The following PCDHA7 variants were observed in gnomAD, a reference collection of about 807,000 sequenced individuals.
PCDHA7 encodes protocadherin alpha-7.
In PCDHA7, 37 loss-of-function variants were observed where a neutral mutation model predicts 57.2. The ratio of observed to expected loss-of-function variants is 0.65; its 90% confidence interval spans 0.50 to 0.85. PCDHA7 has a LOEUF of 0.85. Ranked by LOEUF, PCDHA7 falls within the 40% of genes least tolerant of loss-of-function variation. The pLI is 0.00. For synonymous variants in PCDHA7, 553 were observed against 558.8 expected, an observed-to-expected ratio of 0.99 and a Z score of 0.15; for missense variants, 1,188 against 1,241.8, an observed-to-expected ratio of 0.96 and a Z score of 0.65.
Position 140,967,085 on chromosome 5 carries a change from C to A in PCDHA7, c.2356-11864C>A, listed in dbSNP as rs155809. On this transcript the variant is annotated intron_variant, in intron 1 of 3. Coordinates refer to ENST00000525929, the MANE Select transcript of PCDHA7 (RefSeq NM_018910.3). ...GCTCTTCGTCAACGAGCGCATTGAT[C>A]GGGAGGCGCTGTGTGAGCAGCGGCC... The A allele has an allele frequency of 3.0e-3, 4,870 of 1,613,198 alleles. 112 individuals are homozygous for A. The African/African-American group carries it at 0.056, about 18-fold the overall frequency.
chr5:140,841,805 G>C (rs1442483448), intron 1 of PCDHA7: 1 of 1,613,818 alleles, frequency 6.2e-7, no homozygotes, highest in African/African-American at 1.3e-5. Context: ...CGATGCAGAT[G>C]TTGGAGCTAA....
chr5:140,871,247 T>C (rs1340682715), intron 1 of PCDHA7: 1 of 1,613,990 alleles, frequency 6.2e-7, no homozygotes, highest in Non-Finnish European at 8.5e-7. Context: ...CTCACGCTGC[T>C]GCTGTATACG....
intron 1 of PCDHA7, chr5:140,867,294 T>A (rs987236296): frequency 6.6e-6 from 1 of 152,152 alleles, no homozygotes; most frequent in Admixed American, 6.5e-5. Flanking sequence ...TCAAATATCA[T>A]GTTGAATATA....
At chr5:140,876,798 CG>C (rs1562719394) in intron 1 of PCDHA7, 1 of 1,614,180 alleles carries the variant, frequency 6.2e-7, no homozygotes, top group East Asian at 2.2e-5. Flanking sequence ...CTAGAGTGTC[CG>C]TGGAGGTGGC....
At chr5:140,883,619 A>T (rs1554178937) in intron 1 of PCDHA7, 2 of 1,613,984 alleles carry the variant, frequency 1.2e-6, no homozygotes, top group Admixed American at 3.3e-5. Context: ...CGTGAACGAC[A>T]ACGCGCCGGC....
At chr5:140,974,614 C>T (rs757071183) in intron 1 of PCDHA7, among the ~76,000 whole-genome samples, 3 of 152,070 alleles carry the variant, frequency 2.0e-5, no homozygotes, top group East Asian at 1.9e-4. Context: ...AGGGTTCAAG[C>T]GATTCTCCTG....
chr5:140,971,040 A>G (rs1554232989), intron 1 of PCDHA7, among the ~76,000 whole-genome samples: 2 of 152,194 alleles, frequency 1.3e-5, no homozygotes, highest in Non-Finnish European at 2.9e-5. Flanking sequence ...AAGCACGTAA[A>G]AGGGTTTAGC....
chr5:140,878,253 G>A lies in PCDHA7; in HGVS notation c.2355+41515G>A, dbSNP rs182369955. 2.6e-3 allele frequency among the ~76,000 whole-genome samples: 400 copies of A among 152,208 alleles called. 1 individual carries two copies. The highest frequency in any genetic ancestry group is 9.2e-3 in the African/African-American group (384 of 41,530). Reference sequence around the variant, plus strand: ...AATGGATTCTTTAACTCTTCCTCACGTGCTTAGGCTTTTAAAATAGCCTTC... The same window carrying A: ...AATGGATTCTTTAACTCTTCCTCACATGCTTAGGCTTTTAAAATAGCCTTC... On this transcript the variant is annotated intron_variant, in intron 1 of 3. Transcript: ENST00000525929.
intron 1 of PCDHA7, chr5:140,841,618 C>T (rs782778902): frequency 6.2e-7 from 1 of 1,614,014 alleles, no homozygotes; most frequent in South Asian, 1.1e-5. Flanking sequence ...GCGGGCGGAG[C>T]GCGGAGTGCA....
intron 1 of PCDHA7, among the ~76,000 whole-genome samples, chr5:140,896,320 C>G (rs1583228292): frequency 6.6e-6 from 1 of 152,182 alleles, no homozygotes; most frequent in Non-Finnish European, 1.5e-5. Context: ...CTGCTTTCCA[C>G]AGTGGCTAAA....
intron 1 of PCDHA7, chr5:140,967,061 C>T: frequency 6.2e-7 from 1 of 1,612,886 alleles, no homozygotes; most frequent in Non-Finnish European, 8.5e-7. Context: ...GAGTGGAGCG[C>T]TCTTCGTCAA....
At chr5:140,982,367 G>A in intron 2 of PCDHA7, 108 bp from the exon 3 acceptor site, 1 of 1,544,446 alleles carries the variant, frequency 6.5e-7, no homozygotes, top group Non-Finnish European at 8.7e-7. Context: ...AGCAGAATGT[G>A]TTAGCTGCAG....
At chr5:140,985,128 G>A (rs908196925) in intron 3 of PCDHA7, among the ~76,000 whole-genome samples, 3 of 152,056 alleles carry the variant, frequency 2.0e-5, no homozygotes, top group Admixed American at 6.6e-5. Flanking sequence ...TAGTAAAGAC[G>A]GGGTTTCACC....
intron 2 of PCDHA7, 87 bp downstream of exon 2, chr5:140,979,094 T>C (rs1203462119): frequency 6.4e-7 from 1 of 1,551,870 alleles, no homozygotes; most frequent in Non-Finnish European, 8.7e-7. Flanking sequence ...CAGAAGCAGC[T>C]GTCAAAACTA....
chr5:140,932,687 T>A (rs1285364025), intron 1 of PCDHA7, among the ~76,000 whole-genome samples: 2 of 151,810 alleles, frequency 1.3e-5, no homozygotes, highest in Non-Finnish European at 2.9e-5. Context: ...TATATTCAAA[T>A]TAAAAAACTC....
intron 1 of PCDHA7, chr5:140,852,134 G>A: frequency 3.4e-6 from 3 of 887,872 alleles, no homozygotes; most frequent in Non-Finnish European, 4.1e-6. Flanking sequence ...AAACTCAGTA[G>A]AGAAAGATCA....
chr5:140,976,679 G>A (rs1314378983), intron 1 of PCDHA7, among the ~76,000 whole-genome samples: 2 of 152,086 alleles, frequency 1.3e-5, no homozygotes, highest in African/African-American at 4.8e-5. Flanking sequence ...TCTCATTTTT[G>A]CAATTTAAGT....
Position 140,869,089 on chromosome 5 carries a change from C to A in PCDHA7, c.2355+32351C>A, listed in dbSNP as rs141432478. On this transcript the variant is annotated intron_variant, in intron 1 of 3. Coordinates refer to ENST00000525929, the MANE Select transcript of PCDHA7 (RefSeq NM_018910.3). Reference sequence around the variant, plus strand: ...AGTGTAAAGAAGCTTATTTTGGAAGCCAATTTCGTATGCGATGTTTGGTTT... The same window carrying A: ...AGTGTAAAGAAGCTTATTTTGGAAGACAATTTCGTATGCGATGTTTGGTTT... 9.7e-5 allele frequency: 154 copies of A among 1,588,996 alleles called. No individual in the cohort carries two copies. The East Asian group carries it at 3.4e-3, about 35-fold the overall frequency.
intron 1 of PCDHA7, chr5:140,926,696 C>A: frequency 1.3e-6 from 1 of 771,792 alleles, no homozygotes; most frequent in Non-Finnish European, 1.9e-6. Context: ...GCAAGCCCGG[C>A]TCCCAGCTGG....
Sources: allele counts gnomAD v4.1 joint callset (sites outside exome capture counted in the v4.1 genomes callset), GRCh38; gene constraint gnomAD v4.1.1; transcripts MANE v1.5; gene names NCBI Gene and HGNC (gene_info 2026-07-23, HGNC 2026-07-21).